The following CBX7 variants were observed in gnomAD, a reference collection of about 807,000 sequenced individuals.
The protein encoded by CBX7 is chromobox 7, also known as chromobox protein homolog 7.
Under a neutral mutation model 31.4 loss-of-function variants are expected in CBX7, and 14 were observed. The ratio of observed to expected loss-of-function variants is 0.45; its 90% CI spans 0.29 to 0.70. CBX7 has a LOEUF of 0.70. Among genes scored for constraint, CBX7 ranks in the 30% least tolerant of loss-of-function variants. CBX7 has a pLI of 0.11. For synonymous variants in CBX7, 159 were observed against 152.6 expected, an observed-to-expected ratio of 1.04 and a Z score of -0.31; for missense variants, 269 against 351.9, an observed-to-expected ratio of 0.76 and a Z score of 1.89.
chr22:39,143,457 GA>G (rs771947082), intron 2 of CBX7, among the ~76,000 whole-genome samples: 10 of 152,174 alleles, frequency 6.6e-5, no homozygotes, highest in Non-Finnish European at 1.5e-4. Flanking sequence ...TATAAAGTAA[GA>G]AAGTTACTAT....
intron 1 of CBX7, among the ~76,000 whole-genome samples, chr22:39,151,911 G>A (rs1930871408): frequency 6.6e-6 from 1 of 152,046 alleles, no homozygotes; most frequent in Admixed American, 6.5e-5. Flanking sequence ...ATCGGAAAAG[G>A]CCAAAGTCCA....
chr22:39,149,898 G>T, intron 1 of CBX7, 66 bp from the exon 2 acceptor site: 1 of 1,330,098 alleles, frequency 7.5e-7, no homozygotes. Context: ...CGGAAGGACA[G>T]TTAAGGCCCA....
At chr22:39,134,901 A>C (rs1930198090) in intron 4 of CBX7, 149 bp from the exon 5 acceptor site, 6 of 594,122 alleles carry the variant, frequency 1.0e-5, no homozygotes, top group South Asian at 2.2e-5. Flanking sequence ...CCATCACCCC[A>C]CCCCACCCCA....
intron 3 of CBX7, among the ~76,000 whole-genome samples, chr22:39,140,484 G>A (rs904660197): frequency 6.6e-6 from 1 of 152,226 alleles, no homozygotes; most frequent in East Asian, 1.9e-4. Flanking sequence ...ATCTCCTGGA[G>A]AAGGAGCCAG....
At chr22:39,150,188 T>C (rs1930802132) in intron 1 of CBX7, among the ~76,000 whole-genome samples, 1 of 152,222 alleles carries the variant, frequency 6.6e-6, no homozygotes, top group Non-Finnish European at 1.5e-5. Context: ...AGAGCCCCAG[T>C]GCACAGGTGG....
At position 39,134,598 on chromosome 22, in the gene CBX7, G is replaced by C. The variant is rs751628508; in HGVS notation, c.401C>G (p.Thr134Ser). Residue 134 changes from threonine to serine, a missense_variant, in exon 5 of 6, where the codon ACC becomes AGC. Coordinates refer to ENST00000216133, the MANE Select transcript of CBX7 (RefSeq NM_175709.5). ...ELVDKGPLVPTLPFPLRKPRK... is the reference protein window; with the variant it reads ...ELVDKGPLVPSLPFPLRKPRK... ...GGGCTTGCGGAGCGGGAAGGGCAGGGTGGGCACCAAGGGGCCCTTGTCCAC... is the reference window on the plus strand; with the variant it reads ...GGGCTTGCGGAGCGGGAAGGGCAGGCTGGGCACCAAGGGGCCCTTGTCCAC... 13 of 1,592,216 alleles carry C rather than the reference G, an allele frequency of 8.2e-6. No individual in the cohort carries two copies. The South Asian group carries it at 1.5e-4, about 18-fold the overall frequency.
intron 2 of CBX7, among the ~76,000 whole-genome samples, chr22:39,145,138 A>T (rs5750755): frequency 0.19 from 28,501 of 152,184 alleles, 3,193 homozygotes; most frequent in East Asian, 0.43. Context: ...GGCTGGATGC[A>T]GAAGGGGTGG....
intron 4 of CBX7, among the ~76,000 whole-genome samples, chr22:39,137,442 G>A (rs931375467): frequency 7.9e-5 from 12 of 152,132 alleles, no homozygotes; most frequent in Non-Finnish European, 8.8e-5. Flanking sequence ...TCCACCTCCC[G>A]GGCTCAAGTG....
In CBX7 at chr22:39,133,808, C is replaced by A. The variant is rs1930133379; in HGVS notation, c.*83G>T. 2.3e-6 allele frequency: 3 copies of A among 1,281,666 alleles called. No individual in the cohort carries two copies. Among genetic ancestry groups the A allele is most frequent in the Non-Finnish European group, 3.1e-6 (3 of 952,896 alleles). 79.4% of individuals were successfully genotyped at this position (1,281,666 alleles called of 1,614,324 possible). On this transcript the variant is annotated 3_prime_UTR_variant, in exon 6 of 6. Transcript: ENST00000216133. ...GGTATTTTTTTAAATAAAATAATTACCCCGCCCCCAACCCATCCCTATCTC... is the reference window on the plus strand; with the variant it reads ...GGTATTTTTTTAAATAAAATAATTAACCCGCCCCCAACCCATCCCTATCTC...
intron 2 of CBX7, among the ~76,000 whole-genome samples, chr22:39,145,478 C>T (rs1051855819): frequency 2.0e-5 from 3 of 152,172 alleles, no homozygotes; most frequent in Non-Finnish European, 2.9e-5. Flanking sequence ...GGACACCCTT[C>T]CCACACCAGG....
In CBX7 at chr22:39,141,271, C is replaced by T. The variant is rs1025443365; in HGVS notation, c.179+100G>A. 4.4e-4 allele frequency: 457 copies of T among 1,034,288 alleles called. 1 individual carries two copies. The highest frequency in any genetic ancestry group is 6.5e-4 in the Non-Finnish European group (447 of 690,920). 64.1% of individuals were successfully genotyped at this position (1,034,288 alleles called of 1,614,324 possible). On this transcript the variant is annotated intron_variant, in intron 3 of 5. Coordinates refer to ENST00000216133, the MANE Select transcript of CBX7 (RefSeq NM_175709.5). ...GGGCTGGCCTGCCCCATCGGACACC[C>T]CTGCCCTGCCCCAACAACCCCTGCC...
At position 39,134,029 on chromosome 22, in the gene CBX7, C is replaced by T; in HGVS notation, c.618G>A (p.Glu206=). The change falls in exon 6 of 6, where the codon GAG becomes GAA. Residue 206 remains glutamate, a synonymous_variant. Coordinates refer to ENST00000216133, the MANE Select transcript of CBX7 (RefSeq NM_175709.5). ...PEEEADADLA[E]GPPPWTPALP... ...GCGCAGGTGTCCAGGGAGGGGGCCC[C>T]TCGGCCAGGTCGGCATCTGCTGCAG... 1 of 1,604,066 alleles carries T rather than the reference C, an allele frequency of 6.2e-7. No homozygotes were observed. The highest frequency in any genetic ancestry group is 2.3e-5 in the East Asian group (1 of 44,444).
chr22:39,133,852 C>T lies in CBX7; in HGVS notation c.*39G>A, dbSNP rs775004892. 3.3e-6 allele frequency: 5 copies of T among 1,537,650 alleles called. No individual in the cohort carries two copies. The highest frequency in any genetic ancestry group is 1.2e-5 in the South Asian group (1 of 82,436). On this transcript the variant is annotated 3_prime_UTR_variant, in exon 6 of 6. Coordinates refer to ENST00000216133, the MANE Select transcript of CBX7 (RefSeq NM_175709.5). ...CTATCTCTGGAAGTCCCACCCCAAG[C>T]CCAAAAGAAAACAGTTTAAGAAGAG...
Position 39,134,510 on chromosome 22 carries a change from C to T in CBX7, c.489G>A (p.Leu163=). 3 of 1,612,286 alleles carry T rather than the reference C, an allele frequency of 1.9e-6. No individual in the cohort carries two copies. Among genetic ancestry groups the T allele is most frequent in the Non-Finnish European group, 2.5e-6 (3 of 1,179,804 alleles). The change falls in exon 5 of 6, where the codon CTG becomes CTA. Residue 163 remains leucine (L), a synonymous_variant. Transcript: ENST00000216133. ...RKKFPPRGPN[L]ESHSHRRELF... is the part of the protein sequence containing the mutation. ...GCTCCCGTCGATGGCTGTGGCTCTC[C>T]AGGTTGGGCCCGCGGGGCGGGAACT...
intron 4 of CBX7, among the ~76,000 whole-genome samples, chr22:39,138,335 C>A (rs28620416): frequency 2.0e-5 from 3 of 152,318 alleles, no homozygotes; most frequent in African/African-American, 7.2e-5. Context: ...GCTTTCAGGG[C>A]TTCCTTACAG....
chr22:39,141,899 C>A (rs1930471212), intron 2 of CBX7, among the ~76,000 whole-genome samples: 1 of 152,198 alleles, frequency 6.6e-6, no homozygotes, highest in African/African-American at 2.4e-5. Context: ...CCAGCCTGGG[C>A]CTCCTGAGGG....
chr22:39,146,352 G>A (rs1257940591), intron 2 of CBX7, among the ~76,000 whole-genome samples: 1 of 152,236 alleles, frequency 6.6e-6, no homozygotes, highest in Non-Finnish European at 1.5e-5. Flanking sequence ...CTCCCACTCT[G>A]CCCCTGGCAG....
At chr22:39,135,535 C>T (rs939341244) in intron 4 of CBX7, 1 of 151,278 alleles carries the variant, frequency 6.6e-6, no homozygotes, top group Non-Finnish European at 1.5e-5. Context: ...AGGTCAGGAG[C>T]TCCCAGGAAG....
In CBX7 at chr22:39,134,751, C is replaced by T. The variant is rs556520075; in HGVS notation, c.248G>A (p.Arg83Gln). Residue 83 changes from arginine (R) to glutamine (Q), a missense_variant and splice_region_variant, in exon 5 of 6, where the codon CGG becomes CAG. Arg to Gln is a conservative substitution (Grantham distance 43, BLOSUM62 1). Around this residue, in one of 2 missense-constraint regions of CBX7, gnomAD observed 222 missense variants for 240.4 expected, o/e 0.92. Coordinates refer to ENST00000216133, the MANE Select transcript of CBX7 (RefSeq NM_175709.5). ...GPKPKRLLLQ[R>Q]LYSMDLRSSH... Reference sequence around the variant, plus strand: ...GCTCCGCAGGTCCATGCTGTACAGCCGCTGCGGGGGCAAGCCAGGGCAGCG... The same window carrying T: ...GCTCCGCAGGTCCATGCTGTACAGCTGCTGCGGGGGCAAGCCAGGGCAGCG... The T allele has an allele frequency of 5.6e-5, 85 of 1,513,972 alleles. No homozygotes were observed. Among genetic ancestry groups the T allele is most frequent in the Non-Finnish European group, 6.9e-5 (78 of 1,123,448 alleles). The allele number at this position is 1,513,972 out of a possible 1,614,324, so 93.8% of individuals were successfully genotyped here.
Sources: allele counts gnomAD v4.1 joint callset (sites outside exome capture counted in the v4.1 genomes callset), GRCh38; gene constraint gnomAD v4.1.1; regional missense constraint gnomAD v4.1.1; transcripts MANE v1.5; gene names NCBI Gene and HGNC (gene_info 2026-07-23, HGNC 2026-07-21).